The following GRIP1 variants were observed in gnomAD, a reference collection of about 807,000 sequenced individuals.
The protein encoded by GRIP1 is glutamate receptor interacting protein 1.
GRIP1 carries 45 observed loss-of-function variants against 129.9 expected under a neutral mutation model. That is an observed-to-expected ratio of 0.35 (90% CI 0.27 to 0.44). The LOEUF (loss-of-function observed/expected upper bound fraction) is 0.44, where lower values mean the gene tolerates loss of function less well. Ranked by LOEUF, GRIP1 falls within the 20% of genes least tolerant of loss-of-function variation. The pLI is 1.00. For missense variants in GRIP1, 1,196 were observed against 1,396.8 expected (o/e 0.86, Z 2.29); for synonymous variants, 530 against 520.8 (o/e 1.02, Z -0.24).
intron 1 of GRIP1, among the ~76,000 whole-genome samples, chr12:66,744,812 T>C (rs1259739752): frequency 1.3e-5 from 2 of 152,166 alleles, no homozygotes; most frequent in African/African-American, 4.8e-5. Context: ...CATCATAATT[T>C]AGTTTTATAC....
intron 4 of GRIP1, among the ~76,000 whole-genome samples, chr12:66,531,251 AAATATATATATATATAT>A (rs2061445069): frequency 2.5e-5 from 1 of 39,780 alleles, no homozygotes; most frequent in East Asian, 9.6e-4. Context: ...AAAAAAAAAA[AAATATATATATATATAT>A]ATATATATAT....
intron 1 of GRIP1, among the ~76,000 whole-genome samples, chr12:66,726,944 C>T (rs1362803548): frequency 1.3e-5 from 2 of 152,188 alleles, no homozygotes; most frequent in Non-Finnish European, 2.9e-5. Context: ...ATTAGTTAAA[C>T]AAATGCAGTA....
intron 1 of GRIP1, among the ~76,000 whole-genome samples, chr12:66,746,292 T>G (rs966853414): frequency 5.3e-5 from 8 of 152,210 alleles, no homozygotes; most frequent in African/African-American, 1.9e-4. Flanking sequence ...CTTATTTCCA[T>G]AACTTATTCA....
intron 1 of GRIP1, among the ~76,000 whole-genome samples, chr12:66,937,945 G>A (rs1026597778): frequency 2.6e-5 from 4 of 151,870 alleles, no homozygotes; most frequent in African/African-American, 9.7e-5. Context: ...TAGACATAAG[G>A]GACAATTGAG....
At position 66,432,647 on chromosome 12, in the gene GRIP1, A is replaced by C. The variant is rs755240069; in HGVS notation, c.1688-19T>G. 2.1e-6 allele frequency: 3 copies of C among 1,414,904 alleles called. No individual in the cohort carries two copies. The East Asian group carries it at 6.8e-5, about 32-fold the overall frequency. The allele number at this position is 1,414,904 out of a possible 1,614,324, so 87.6% of individuals were successfully genotyped here. On this transcript the variant is annotated intron_variant, in intron 13 of 24. Coordinates refer to ENST00000359742, the MANE Select transcript of GRIP1 (RefSeq NM_001366722.1). ...ACAGACTCTAATATCAAAACAAAAAAGAATGTGTTAATAGAACACTGAGGA... is the reference window on the plus strand; with the variant it reads ...ACAGACTCTAATATCAAAACAAAAACGAATGTGTTAATAGAACACTGAGGA...
chr12:66,911,532 A>G (rs1405218824), intron 1 of GRIP1, among the ~76,000 whole-genome samples: 1 of 152,172 alleles, frequency 6.6e-6, no homozygotes, highest in Non-Finnish European at 1.5e-5. Flanking sequence ...AAAAGGGAGT[A>G]TATTTTGGGA....
chr12:66,619,177 C>A (rs543020806), intron 1 of GRIP1, among the ~76,000 whole-genome samples: 2 of 152,134 alleles, frequency 1.3e-5, no homozygotes, highest in South Asian at 4.1e-4. Context: ...TCAAAGTAAA[C>A]CCTGTGAATA....
chr12:66,630,826 G>C (rs1419130136), intron 1 of GRIP1, among the ~76,000 whole-genome samples: 1 of 152,176 alleles, frequency 6.6e-6, no homozygotes, highest in Non-Finnish European at 1.5e-5. Context: ...ATTTTACTGA[G>C]ATTACATTGT....
chr12:66,758,477 C>T (rs749832331), intron 1 of GRIP1, among the ~76,000 whole-genome samples: 1 of 151,894 alleles, frequency 6.6e-6, no homozygotes, highest in Admixed American at 6.6e-5. Context: ...TATCATTCTG[C>T]CCCTAGCCCC....
chr12:67,066,132 C>G (rs2043620122), intron 1 of GRIP1, among the ~76,000 whole-genome samples: 5 of 152,176 alleles, frequency 3.3e-5, no homozygotes. Context: ...TTTCTCTGCT[C>G]AGCATTGCAT....
chr12:66,935,869 AT>A (rs2137424738), intron 1 of GRIP1, among the ~76,000 whole-genome samples: 1 of 152,322 alleles, frequency 6.6e-6, no homozygotes, highest in East Asian at 1.9e-4. Flanking sequence ...ACACTCAGTT[AT>A]TGTTAAAGGT....
chr12:66,690,644 C>T (rs1361272199), intron 1 of GRIP1, among the ~76,000 whole-genome samples: 6 of 151,426 alleles, frequency 4.0e-5, no homozygotes, highest in African/African-American at 1.2e-4. Flanking sequence ...GTCAGGAGAA[C>T]CAGCTGAGCT....
At chr12:66,813,146 A>T (rs1272532057) in intron 1 of GRIP1, among the ~76,000 whole-genome samples, 1 of 152,146 alleles carries the variant, frequency 6.6e-6, no homozygotes, top group Non-Finnish European at 1.5e-5. Flanking sequence ...AATGTGGTAA[A>T]GGCATCTGCT....
At chr12:66,562,905 TAAG>T (rs2062590973) in intron 2 of GRIP1, among the ~76,000 whole-genome samples, 1 of 152,092 alleles carries the variant, frequency 6.6e-6, no homozygotes, top group South Asian at 2.1e-4. Context: ...AGAATGTTGT[TAAG>T]AAAATCATAA....
chr12:66,635,815 T>C lies in GRIP1; in HGVS notation c.56-38888A>G, dbSNP rs573671166. Among the ~76,000 whole-genome samples the C allele has an allele frequency of 2.0e-5, 3 of 152,242 alleles. No individual in the cohort carries two copies. The South Asian group carries it at 6.2e-4, about 32-fold the overall frequency. ...ATATTTTAAAGAAGAGAAAACACAATCACTAATGGCCAGTAACGACCAATA... is the reference window on the plus strand; with the variant it reads ...ATATTTTAAAGAAGAGAAAACACAACCACTAATGGCCAGTAACGACCAATA... On this transcript the variant is annotated intron_variant, in intron 1 of 24. Transcript: ENST00000359742.
chr12:66,569,007 G>A (rs879575178), intron 2 of GRIP1: 18 of 468,280 alleles, frequency 3.8e-5, no homozygotes, highest in East Asian at 6.0e-5. Context: ...TTCTATCTGC[G>A]TGCTTCTCAG....
intron 1 of GRIP1, among the ~76,000 whole-genome samples, chr12:66,974,843 G>A (rs2042128968): frequency 6.6e-6 from 1 of 152,140 alleles, no homozygotes; most frequent in South Asian, 2.1e-4. Flanking sequence ...CTTCTTCCAA[G>A]ACGTAAAAGG....
intron 1 of GRIP1, among the ~76,000 whole-genome samples, chr12:66,979,877 AG>A (rs2042219229): frequency 6.6e-6 from 1 of 152,196 alleles, no homozygotes; most frequent in African/African-American, 2.4e-5. Context: ...GAGGCAAGGG[AG>A]GACTCTGCTA....
At chr12:66,924,080 G>T (rs549882730) in intron 1 of GRIP1, among the ~76,000 whole-genome samples, 3 of 152,024 alleles carry the variant, frequency 2.0e-5, no homozygotes, top group Non-Finnish European at 2.9e-5. Flanking sequence ...CCTGGCAGCA[G>T]GTGATTCACC....
Sources: allele counts gnomAD v4.1 joint callset (sites outside exome capture counted in the v4.1 genomes callset), GRCh38; gene constraint gnomAD v4.1.1; transcripts MANE v1.5; gene names NCBI Gene and HGNC (gene_info 2026-07-23, HGNC 2026-07-21).